The following SLC26A2 variants were observed in gnomAD, a reference collection of about 807,000 sequenced individuals.
SLC26A2 encodes the protein sulfate transporter.
In SLC26A2, 36 loss-of-function variants were observed where a neutral mutation model predicts 41.1. That is an observed-to-expected ratio of 0.88 (90% CI 0.67 to 1.16). The LOEUF (loss-of-function observed/expected upper bound fraction) is 1.16. Among genes scored for constraint, SLC26A2 ranks in the 50% most tolerant of loss-of-function variants. The probability of loss-of-function intolerance (pLI) is 0.00; values close to 1 mark genes in which losing one functional copy is unlikely to be tolerated. For missense variants in SLC26A2, 796 were observed against 869.6 expected, an observed-to-expected ratio of 0.92 and a Z score of 1.07; for synonymous variants, 291 against 311.6, an observed-to-expected ratio of 0.93 and a Z score of 0.70.
rs774648833 is a variant in SLC26A2 at position 149,981,542 on chromosome 5, TG to T, written c.1950del (p.Ile651LeufsTer9). 6.2e-7 allele frequency: 1 copy of T among 1,613,974 alleles called. No homozygotes were observed. Among genetic ancestry groups the T allele is most frequent in the East Asian group, 2.2e-5 (1 of 44,884 alleles). On this transcript the variant is annotated frameshift_variant, in exon 3 of 3. Transcript: ENST00000286298. LOFTEE classifies it high-confidence loss of function. ...SHDPLELHTIVIDCSAIQFLD... is the reference protein window; with the variant it reads ...SHDPLELHTIXIDCSAIQFLD... ...GATCCCTTGGAGCTGCATACTATAG[TG>T]ATTGACTGCAGTGCAATTCAATTTT... is the stretch of plus-strand genomic sequence containing the variant.
intron 1 of SLC26A2, among the ~76,000 whole-genome samples, chr5:149,973,724 T>C (rs1269167261): frequency 6.6e-6 from 1 of 152,188 alleles, no homozygotes; most frequent in Non-Finnish European, 1.5e-5. Flanking sequence ...AGCCTCAACC[T>C]CTTAGGCTCA....
At chr5:149,971,855 TTTCTCA>T (rs1754911683) in intron 1 of SLC26A2, among the ~76,000 whole-genome samples, 1 of 152,214 alleles carries the variant, frequency 6.6e-6, no homozygotes, top group African/African-American at 2.4e-5. Context: ...AGTAAGTGAC[TTTCTCA>T]AAATCTTTCA....
At chr5:149,966,630 A>G (rs1754809969) in intron 1 of SLC26A2, among the ~76,000 whole-genome samples, 1 of 151,738 alleles carries the variant, frequency 6.6e-6, no homozygotes, top group East Asian at 1.9e-4. Flanking sequence ...TTTGTTTTAT[A>G]CTTACTAGTT....
At position 149,979,612 on chromosome 5, in the gene SLC26A2, A is replaced by C. The variant is rs373044781; in HGVS notation, c.700-681A>C. The stretch of plus-strand genomic sequence containing the variant: ...GGCATAACAATTCTGAAAACTTATT[A>C]GACAGAGGAAAATATAAAGAAGTAA... On this transcript the variant is annotated intron_variant, in intron 2 of 2. Transcript: ENST00000286298. Among the ~76,000 whole-genome samples the C allele has an allele frequency of 7.9e-5, 12 of 152,298 alleles. No individual in the cohort carries two copies. In the East Asian group the frequency reaches 1.7e-3, roughly 22 times the overall value.
intron 1 of SLC26A2, among the ~76,000 whole-genome samples, chr5:149,963,086 T>TATATATA (rs1561809884): frequency 1.8e-4 from 5 of 28,038 alleles, no homozygotes; most frequent in African/African-American, 4.1e-4. Flanking sequence ...GGTGCTATAT[T>TATATATA]TATTTATTTA....
rs1468473013 is a variant in SLC26A2 at position 149,982,245 on chromosome 5, C to T, written c.*432C>T. The T allele has an allele frequency of 6.2e-6, 1 of 162,150 alleles. No homozygotes were observed. The highest frequency in any genetic ancestry group is 1.8e-4 in the East Asian group (1 of 5,616). 10.0% of individuals were successfully genotyped at this position (162,150 alleles called of 1,614,324 possible). A position where few individuals can be genotyped will look rare whatever the true frequency, so the allele number is the denominator to read the frequency against. ...AGAGAGGGAAAGAATGTTGCACCTG[C>T]TCTAGTACCATAGGTCAAGAGGCTT... On this transcript the variant is annotated 3_prime_UTR_variant, in exon 3 of 3. Coordinates refer to ENST00000286298, the MANE Select transcript of SLC26A2 (RefSeq NM_000112.4).
chr5:149,977,171 C>T (rs945705884), intron 1 of SLC26A2, among the ~76,000 whole-genome samples: 2 of 152,168 alleles, frequency 1.3e-5, no homozygotes, highest in African/African-American at 4.8e-5. Context: ...GACCATCTTC[C>T]TTGTTTCAGG....
rs1202155834 is a variant in SLC26A2 at position 149,983,142 on chromosome 5, G to A, written c.*1329G>A. On this transcript the variant is annotated 3_prime_UTR_variant, in exon 3 of 3. Coordinates refer to ENST00000286298, the MANE Select transcript of SLC26A2 (RefSeq NM_000112.4). Reference sequence around the variant, plus strand: ...ATGTGTAGGGCATCTGTTGGAGTGGGATGCTTTTAGACATATATTAAGTAT... The same window carrying A: ...ATGTGTAGGGCATCTGTTGGAGTGGAATGCTTTTAGACATATATTAAGTAT... 1 of 151,870 alleles carries A rather than the reference G, an allele frequency of 6.6e-6. No individual in the cohort carries two copies. Among genetic ancestry groups the A allele is most frequent in the Non-Finnish European group, 1.5e-5 (1 of 67,974 alleles). 9.4% of individuals were successfully genotyped at this position (151,870 alleles called of 1,614,324 possible).
chr5:149,978,644 G>A (rs900741587), intron 2 of SLC26A2, among the ~76,000 whole-genome samples: 1 of 151,344 alleles, frequency 6.6e-6, no homozygotes, highest in Admixed American at 6.6e-5. Flanking sequence ...AGCATTAGCA[G>A]TTAGGCAAGT....
At chr5:149,967,935 T>C (rs981619889) in intron 1 of SLC26A2, among the ~76,000 whole-genome samples, 3 of 151,966 alleles carry the variant, frequency 2.0e-5, no homozygotes, top group Non-Finnish European at 4.4e-5. Flanking sequence ...TTTCTAGATA[T>C]TTTGTATAGG....
chr5:149,970,546 G>A (rs151333768), intron 1 of SLC26A2, among the ~76,000 whole-genome samples: 2 of 152,158 alleles, frequency 1.3e-5, no homozygotes, highest in Non-Finnish European at 2.9e-5. Context: ...CCCAAAGGAT[G>A]AGAACATACC....
chr5:149,978,046 C>G lies in SLC26A2; in HGVS notation c.394C>G (p.Leu132Val). 6.2e-7 allele frequency: 1 copy of G among 1,613,484 alleles called. No homozygotes were observed. Among genetic ancestry groups the G allele is most frequent in the Non-Finnish European group, 8.5e-7 (1 of 1,179,588 alleles). The change falls in exon 2 of 3, where the codon CTG becomes GTG. Residue 132 changes from leucine (L) to valine (V), a missense_variant. By Grantham distance (32) the Leu-to-Val change is conservative (BLOSUM62 1). Coordinates refer to ENST00000286298, the MANE Select transcript of SLC26A2 (RefSeq NM_000112.4). ...GCCCCAGTCCATTGCTTATTCCCTGCTGGCTGGCCAAGAACCTGTCTATGG... is the reference window on the plus strand; with the variant it reads ...GCCCCAGTCCATTGCTTATTCCCTGGTGGCTGGCCAAGAACCTGTCTATGG... The part of the protein sequence containing the change: ...LVPQSIAYSL[L>V]AGQEPVYGLY...
chr5:149,961,289 G>A (rs956457681), intron 1 of SLC26A2, among the ~76,000 whole-genome samples: 3 of 152,176 alleles, frequency 2.0e-5, no homozygotes, highest in Non-Finnish European at 2.9e-5. Flanking sequence ...AGTCCTCGTT[G>A]ATCCGTCTCG....
At chr5:149,974,277 T>A (rs1754953653) in intron 1 of SLC26A2, among the ~76,000 whole-genome samples, 2 of 152,132 alleles carry the variant, frequency 1.3e-5, no homozygotes, top group African/African-American at 4.8e-5. Context: ...ATGTTTTTTC[T>A]TTGTCTTCAG....
chr5:149,972,589 C>T (rs1754922731), intron 1 of SLC26A2, among the ~76,000 whole-genome samples: 1 of 152,194 alleles, frequency 6.6e-6, no homozygotes, highest in African/African-American at 2.4e-5. Flanking sequence ...CCAAAATATG[C>T]ATTTTATTAC....
rs79834247 is a variant in SLC26A2, at chr5:149,962,683, A to T, written c.-26+1704A>T. 9.1e-3 allele frequency among the ~76,000 whole-genome samples: 1,388 copies of T among 152,274 alleles called. 19 individuals carry two copies. Among genetic ancestry groups the T allele is most frequent in the African/African-American group, 0.031 (1,306 of 41,550 alleles). On this transcript the variant is annotated intron_variant, in intron 1 of 2. Coordinates refer to ENST00000286298, the MANE Select transcript of SLC26A2 (RefSeq NM_000112.4). ...TTCCCCCATGATTGACAGAAGGATA[A>T]TCACGCTTTTAGTGAATGTAAACCC...
intron 1 of SLC26A2, among the ~76,000 whole-genome samples, chr5:149,968,162 A>G (rs1754838427): frequency 6.6e-6 from 1 of 152,030 alleles, no homozygotes; most frequent in South Asian, 2.1e-4. Flanking sequence ...TTATCTGTTC[A>G]TCTGTTGATG....
At chr5:149,963,080 C>CTATATATATATA (rs550574561) in intron 1 of SLC26A2, among the ~76,000 whole-genome samples, 3 of 100,728 alleles carry the variant, frequency 3.0e-5, no homozygotes, top group African/African-American at 7.3e-5. Context: ...GGCAGTGGTG[C>CTATATATATATA]TATATTTATT....
At chr5:149,975,198 G>A (rs550082265) in intron 1 of SLC26A2, among the ~76,000 whole-genome samples, 29 of 152,136 alleles carry the variant, frequency 1.9e-4, no homozygotes, top group African/African-American at 6.0e-4. Context: ...GCTAATTTCT[G>A]TTTATCTGTC....
Sources: allele counts gnomAD v4.1 joint callset (sites outside exome capture counted in the v4.1 genomes callset), GRCh38; gene constraint gnomAD v4.1.1; transcripts MANE v1.5; gene names NCBI Gene and HGNC (gene_info 2026-07-23, HGNC 2026-07-21).